ITGB5: variants seen among roughly 807,000 people sequenced by gnomAD.
ITGB5 encodes integrin beta-5.
A neutral mutation model predicts 84.8 loss-of-function variants in ITGB5; 38 were observed. The ratio of observed to expected loss-of-function variants is 0.45; its 90% CI spans 0.35 to 0.59. The LOEUF is 0.59. Among genes scored for constraint, ITGB5 ranks in the 20% least tolerant of loss-of-function variants. ITGB5 has a pLI of 0.01. For synonymous variants in ITGB5, 393 were observed against 414.4 expected (o/e 0.95, Z 0.63); for missense variants, 905 against 1,034.5 (o/e 0.87, Z 1.72).
intron 4 of ITGB5, among the ~76,000 whole-genome samples, chr3:124,847,530 G>A (rs1014668845): frequency 1.3e-5 from 2 of 152,212 alleles, no homozygotes; most frequent in African/African-American, 4.8e-5. Flanking sequence ...ATAGCATGTG[G>A]GAGCGGGCAT....
chr3:124,874,657 A>G (rs1384238369), intron 1 of ITGB5, among the ~76,000 whole-genome samples: 1 of 152,224 alleles, frequency 6.6e-6, no homozygotes, highest in Admixed American at 6.5e-5. Context: ...AAAAACAGAC[A>G]TGTAGACCAA....
At chr3:124,885,055 T>C (rs9681067) in intron 1 of ITGB5, among the ~76,000 whole-genome samples, 8 of 152,142 alleles carry the variant, frequency 5.3e-5, no homozygotes, top group Non-Finnish European at 8.8e-5. Context: ...TAGATCACCT[T>C]AAGTGAGGAG....
At chr3:124,804,997 CTTTT>C (rs890566617) in intron 9 of ITGB5, among the ~76,000 whole-genome samples, 15 of 150,286 alleles carry the variant, frequency 1.0e-4, no homozygotes, top group Admixed American at 7.3e-4. Flanking sequence ...TTCCTTCTTT[CTTTT>C]TCTTTCTTCT....
At chr3:124,892,101 T>C (rs1265979201), upstream of ITGB5, among the ~76,000 whole-genome samples, 1 of 152,044 alleles carries the variant, frequency 6.6e-6, no homozygotes, top group Non-Finnish European at 1.5e-5. Context: ...ATAAAGTACA[T>C]AGAATGAAAA....
intron 7 of ITGB5, 54 bp downstream of exon 7, chr3:124,819,685 C>A: frequency 7.8e-7 from 1 of 1,285,908 alleles, no homozygotes; most frequent in South Asian, 1.2e-5. Context: ...TGTAAACACT[C>A]CTCACCACCC....
chr3:124,764,433 A>C lies in ITGB5; in HGVS notation c.2262T>G (p.Phe754Leu). Residue 754 changes from phenylalanine to leucine, a missense_variant, in exon 14 of 15, where the codon TTT (phenylalanine) becomes TTG (leucine). Transcript: ENST00000296181. ...LLVTIHDRRE[F>L]AKFQSERSRA... ...TGGATCGCTCGCTCTGAAACTTTGC[A>C]AACTCCCTCCGGTCGTGGATGGTGA... 6.2e-7 allele frequency: 1 copy of C among 1,613,792 alleles called. No homozygotes were observed. The highest frequency in any genetic ancestry group is 8.5e-7 in the Non-Finnish European group (1 of 1,179,732).
intron 1 of ITGB5, among the ~76,000 whole-genome samples, chr3:124,885,620 T>A (rs1312405338): frequency 6.6e-6 from 1 of 152,186 alleles, no homozygotes; most frequent in Non-Finnish European, 1.5e-5. Flanking sequence ...AACAATACAT[T>A]CCTGTGTGAT....
chr3:124,819,653 A>G (rs1362479408), intron 7 of ITGB5, 86 bp downstream of exon 7: 2 of 964,504 alleles, frequency 2.1e-6, no homozygotes, highest in African/African-American at 3.2e-5. Context: ...CCTCCTTTGA[A>G]TTTCCCCCAG....
intron 3 of ITGB5, among the ~76,000 whole-genome samples, chr3:124,855,528 A>G (rs1036304306): frequency 2.0e-5 from 3 of 152,198 alleles, no homozygotes; most frequent in African/African-American, 7.2e-5. Flanking sequence ...TTTAAGAGGC[A>G]TCATTGGTTT....
Position 124,763,672 on chromosome 3 carries a change from T to C in ITGB5, c.2351A>G (p.Asp784Gly). Reference sequence around the variant, plus strand: ...TTTGTTGAACTTGTTGAAGGTGAAGTCCACAGTGTGCGTGGAGATAGGCTT... The same window carrying C: ...TTTGTTGAACTTGTTGAAGGTGAAGCCCACAGTGTGCGTGGAGATAGGCTT... The part of the protein sequence containing the change: ...YRKPISTHTV[D>G]FTFNKFNKSY... The change falls in exon 15 of 15, where the codon GAC (aspartate) becomes GGC (glycine). Residue 784 changes from aspartate to glycine, a missense_variant. Asp to Gly is a moderately conservative substitution (Grantham distance 94). This residue lies in a region of ITGB5 where 133 missense variants were observed against 122.8 expected (regional missense o/e 1.08). Transcript: ENST00000296181. 6.2e-7 allele frequency: 1 copy of C among 1,610,946 alleles called. No homozygotes were observed. Among genetic ancestry groups the C allele is most frequent in the Non-Finnish European group, 8.5e-7 (1 of 1,177,110 alleles).
intron 5 of ITGB5, among the ~76,000 whole-genome samples, chr3:124,827,434 T>C (rs1458427860): frequency 1.3e-5 from 2 of 152,356 alleles, no homozygotes; most frequent in African/African-American, 4.8e-5. Context: ...CTTTTACTAA[T>C]TGATATGTGA....
chr3:124,857,761 G>C (rs2065239417), intron 3 of ITGB5, among the ~76,000 whole-genome samples: 1 of 152,194 alleles, frequency 6.6e-6, no homozygotes. Flanking sequence ...CCATGGGTTT[G>C]TGGTTACCAA....
intron 2 of ITGB5, among the ~76,000 whole-genome samples, chr3:124,865,996 TTTTG>T (rs1003299196): frequency 2.6e-5 from 4 of 152,046 alleles, no homozygotes; most frequent in East Asian, 2.0e-4. Flanking sequence ...TCCATATATA[TTTTG>T]TTTGTTTGTT....
In ITGB5 at chr3:124,887,010, C is replaced by T; in HGVS notation, c.-10G>A. 1.7e-6 allele frequency: 2 copies of T among 1,167,828 alleles called. No individual in the cohort carries two copies. The highest frequency in any genetic ancestry group is 2.1e-6 in the Non-Finnish European group (2 of 946,900). 72.3% of individuals were successfully genotyped at this position (1,167,828 alleles called of 1,614,324 possible). A position where few individuals can be genotyped will look rare whatever the true frequency, so the allele number is the denominator to read the frequency against. ...CCGGGGCCCGCGGCATGGTGGGGCG[C>T]CTCCCTCAGCGGCGGCGCGGTCGCT... On this transcript the variant is annotated 5_prime_UTR_variant, in exon 1 of 15. Coordinates refer to ENST00000296181, the MANE Select transcript of ITGB5 (RefSeq NM_002213.5).
rs1559921732 is a variant in ITGB5 at position 124,769,053 on chromosome 3, G to C, written c.1977C>G (p.Ser659Arg). ...ATGTGATCACCTCATCCCTGCATAG[G>C]CTGTGGCAGGTCTGGTTGTCAGGTT... ...SGKPDNQTCH[S>R]LCRDEVITWV... Residue 659 changes from serine (S) to arginine (R), a missense_variant, in exon 12 of 15, where the codon AGC becomes AGG. By Grantham distance (110) the Ser-to-Arg change is moderately radical (BLOSUM62 -1). Coordinates refer to ENST00000296181, the MANE Select transcript of ITGB5 (RefSeq NM_002213.5). 1.2e-6 allele frequency: 2 copies of C among 1,613,982 alleles called. No individual in the cohort carries two copies. Among genetic ancestry groups the C allele is most frequent in the South Asian group, 2.2e-5 (2 of 91,074 alleles).
chr3:124,782,672 A>G (rs2064021554), intron 10 of ITGB5, among the ~76,000 whole-genome samples: 1 of 152,148 alleles, frequency 6.6e-6, no homozygotes, highest in African/African-American at 2.4e-5. Context: ...AGCCTGACCA[A>G]CATGGTGAAA....
At chr3:124,879,461 C>T in intron 1 of ITGB5, among the ~76,000 whole-genome samples, 1 of 152,224 alleles carries the variant, frequency 6.6e-6, no homozygotes, top group Admixed American at 6.5e-5. Flanking sequence ...AAAAGAGTCC[C>T]AGTATAGACT....
At chr3:124,765,647 G>A (rs2063755460) in intron 13 of ITGB5, among the ~76,000 whole-genome samples, 1 of 152,164 alleles carries the variant, frequency 6.6e-6, no homozygotes, top group Admixed American at 6.5e-5. Flanking sequence ...AACTCCCATT[G>A]CCCTGACTCA....
chr3:124,846,706 G>A (rs1029104332), intron 4 of ITGB5, among the ~76,000 whole-genome samples: 3 of 152,182 alleles, frequency 2.0e-5, no homozygotes, highest in Admixed American at 2.0e-4. Context: ...GGCTGAGGTG[G>A]ATGGGTCGCT....
Sources: allele counts gnomAD v4.1 joint callset (sites outside exome capture counted in the v4.1 genomes callset), GRCh38; gene constraint gnomAD v4.1.1; regional missense constraint gnomAD v4.1.1; transcripts MANE v1.5; gene names NCBI Gene and HGNC (gene_info 2026-07-23, HGNC 2026-07-21).